Variants in FER observed in about 807,000 individuals in gnomAD.
The protein encoded by FER is tyrosine-protein kinase Fer.
A neutral mutation model predicts 111.0 loss-of-function variants in FER; 63 were observed. The ratio of observed to expected loss-of-function variants is 0.57; its 90% confidence interval spans 0.46 to 0.70. The LOEUF is 0.70. FER is among the 30% of genes least tolerant of loss of function. FER has a pLI of 0.00. For missense variants in FER, 914 were observed against 954.0 expected (o/e 0.96, Z 0.55); for synonymous variants, 327 against 313.9 (o/e 1.04, Z -0.44).
rs535140007 is a variant in FER, at chr5:109,090,295, T to C, written c.1925-10101T>C. Among the ~76,000 whole-genome samples the C allele has an allele frequency of 1.1e-4, 17 of 151,954 alleles. No individual in the cohort carries two copies. The East Asian group carries it at 2.7e-3, about 24-fold the overall frequency. ...ATTACATGCACAATCTCAAGTCACA[T>C]CCCCCCAAAAAGAGTTCAGAGATTC... On this transcript the variant is annotated intron_variant, in intron 16 of 19. Coordinates refer to ENST00000281092, the MANE Select transcript of FER (RefSeq NM_005246.4).
intron 17 of FER, among the ~76,000 whole-genome samples, chr5:109,172,110 T>TACTGGGA (rs1757164962): frequency 6.6e-6 from 1 of 152,078 alleles, no homozygotes; most frequent in East Asian, 1.9e-4. Flanking sequence ...GAAATACCAT[T>TACTGGGA]TGACCCAGCC....
rs1050269690 is a variant in FER, at chr5:108,954,987, A to G, written c.1533+55A>G. The G allele has an allele frequency of 4.6e-4, 649 of 1,407,908 alleles. 3 individuals carry two copies. The highest frequency in any genetic ancestry group is 1.3e-4 in the Admixed American group (6 of 47,240). The allele number at this position is 1,407,908 out of a possible 1,614,324, so 87.2% of individuals were successfully genotyped here. ...TTTTGATGTAGTTCATTGCGGTACA[A>G]TTATATTAAAATAACGAATGGTTTG... On this transcript the variant is annotated intron_variant, in intron 12 of 19. Coordinates refer to ENST00000281092, the MANE Select transcript of FER (RefSeq NM_005246.4).
intron 5 of FER, among the ~76,000 whole-genome samples, chr5:108,845,913 A>G (rs1046107079): frequency 4.6e-5 from 7 of 152,150 alleles, no homozygotes; most frequent in African/African-American, 1.7e-4. Flanking sequence ...ATTGATTTTC[A>G]CATTTCAAAT....
chr5:109,083,440 C>T (rs578072780), intron 16 of FER, among the ~76,000 whole-genome samples: 1 of 152,146 alleles, frequency 6.6e-6, no homozygotes, highest in Non-Finnish European at 1.5e-5. Context: ...GCCTACAAAT[C>T]CACTTAACTG....
intron 13 of FER, among the ~76,000 whole-genome samples, chr5:108,992,882 G>A (rs1225945082): frequency 3.4e-5 from 5 of 148,860 alleles, no homozygotes; most frequent in Middle Eastern, 3.6e-3. Context: ...AGGCAGAGGC[G>A]CTCCTCACAT....
At chr5:108,790,296 T>G (rs186433807) in intron 2 of FER, among the ~76,000 whole-genome samples, 93 of 151,486 alleles carry the variant, frequency 6.1e-4, no homozygotes, top group African/African-American at 2.2e-3. Context: ...TATACATATG[T>G]GATTTTTTTT....
At chr5:109,174,175 G>A (rs1319647095) in intron 17 of FER, among the ~76,000 whole-genome samples, 1 of 152,162 alleles carries the variant, frequency 6.6e-6, no homozygotes, top group Non-Finnish European at 1.5e-5. Flanking sequence ...AAAGGAGGTC[G>A]CAAAGGGAAG....
intron 13 of FER, among the ~76,000 whole-genome samples, chr5:108,979,975 A>G (rs1761841936): frequency 6.6e-6 from 1 of 152,134 alleles, no homozygotes; most frequent in Admixed American, 6.5e-5. Flanking sequence ...TGCATTTTCA[A>G]AAAGATACCA....
intron 1 of FER, among the ~76,000 whole-genome samples, chr5:108,754,111 G>A (rs559571866): frequency 1.3e-5 from 2 of 152,186 alleles, no homozygotes; most frequent in South Asian, 4.1e-4. Flanking sequence ...TGGAGAAAGT[G>A]AGTCATTAAA....
rs111663056 is a variant in FER, at chr5:109,067,227, TTTGTTGTTG to T, written c.1924+20057_1924+20065del. On this transcript the variant is annotated intron_variant, in intron 16 of 19. Transcript: ENST00000281092. ...GTGTGTTAGGGAGTGGAGTGACTGGTTTGTTGTTGTTGTTGTTGTTGTTGTTGTTGTTGT... is the reference window on the plus strand; with the variant it reads ...GTGTGTTAGGGAGTGGAGTGACTGGTTTGTTGTTGTTGTTGTTGTTGTTGT... Among the ~76,000 whole-genome samples, 243 of 150,112 alleles carry T rather than the reference TTTGTTGTTG, an allele frequency of 1.6e-3. 1 individual carries two copies. The highest frequency in any genetic ancestry group is 2.6e-3 in the Non-Finnish European group (176 of 67,530).
intron 10 of FER, among the ~76,000 whole-genome samples, chr5:108,923,505 A>G (rs1409073699): frequency 6.6e-6 from 1 of 152,064 alleles, no homozygotes; most frequent in Non-Finnish European, 1.5e-5. Context: ...AAGTTTCTTG[A>G]ACTTTGGTCC....
At chr5:108,978,775 G>A (rs1761698937) in intron 13 of FER, among the ~76,000 whole-genome samples, 1 of 152,098 alleles carries the variant, frequency 6.6e-6, no homozygotes, top group East Asian at 1.9e-4. Flanking sequence ...GGCATTAATA[G>A]GAATATTATA....
chr5:108,749,083 C>G (rs574321962), intron 1 of FER: 1 of 152,234 alleles, frequency 6.6e-6, no homozygotes, highest in Admixed American at 6.5e-5. Context: ...AAGCCTAGAG[C>G]GGGGGCAACA....
At chr5:108,913,894 C>A (rs926795490) in intron 10 of FER, among the ~76,000 whole-genome samples, 1 of 152,058 alleles carries the variant, frequency 6.6e-6, no homozygotes, top group Admixed American at 6.5e-5. Flanking sequence ...TGAAAAGACA[C>A]CAGACATTAC....
At chr5:109,070,083 G>A (rs1046052133) in intron 16 of FER, among the ~76,000 whole-genome samples, 2 of 151,384 alleles carry the variant, frequency 1.3e-5, no homozygotes, top group African/African-American at 4.8e-5. Flanking sequence ...CCATTTATGT[G>A]GTTTTTTGGA....
At position 108,771,227 on chromosome 5, in the gene FER, C is replaced by G. The variant is rs372541195; in HGVS notation, c.-60+2989C>G. 5.4e-3 allele frequency among the ~76,000 whole-genome samples: 823 copies of G among 152,278 alleles called. 10 individuals are homozygous for G. The highest frequency in any genetic ancestry group is 0.019 in the African/African-American group (802 of 41,550). On this transcript the variant is annotated intron_variant, in intron 2 of 19. Transcript: ENST00000281092. ...GGGATTACAGACTTGAGCCACCATG[C>G]CCGGCCCCTCTGAAGAATTTTTAAG...
At chr5:108,819,505 A>G (rs565778741) in intron 3 of FER, among the ~76,000 whole-genome samples, 15 of 152,274 alleles carry the variant, frequency 9.9e-5, no homozygotes, top group African/African-American at 3.4e-4. Context: ...CTGACATTCA[A>G]ACTCCACATT....
intron 9 of FER, among the ~76,000 whole-genome samples, chr5:108,885,976 G>C (rs977678381): frequency 6.6e-6 from 1 of 151,874 alleles, no homozygotes; most frequent in Non-Finnish European, 1.5e-5. Flanking sequence ...TTCTGTGTTT[G>C]TGGATGAATC....
intron 14 of FER, among the ~76,000 whole-genome samples, chr5:109,039,885 G>T (rs115779528): frequency 6.6e-6 from 1 of 152,004 alleles, no homozygotes; most frequent in Admixed American, 6.6e-5. Context: ...AAGTTACTCC[G>T]GGAGTTGTGA....
Sources: gnomAD v4.1 joint callset for allele counts (sites outside exome capture counted in the v4.1 genomes callset) on GRCh38, gnomAD v4.1.1 for gene constraint, MANE v1.5 for transcripts, NCBI Gene and HGNC (gene_info 2026-07-23, HGNC 2026-07-21) for gene names.